ARHGAP18: variants seen among roughly 807,000 people sequenced by gnomAD.
ARHGAP18 encodes rho GTPase-activating protein 18.
ARHGAP18 carries 67 observed loss-of-function variants against 86.2 expected under a neutral mutation model. The observed-to-expected ratio is 0.78, with a 90% CI of 0.64 to 0.95. The LOEUF (loss-of-function observed/expected upper bound fraction) is 0.95, where lower values mean the gene tolerates loss of function less well. ARHGAP18 is among the 40% of genes least tolerant of loss of function. The probability of loss-of-function intolerance (pLI) is 0.00; values close to 1 mark genes in which losing one functional copy is unlikely to be tolerated. For missense variants in ARHGAP18, 691 were observed against 780.4 expected (o/e 0.89, Z 1.37); for synonymous variants, 283 against 280.4 (o/e 1.01, Z -0.09).
chr6:129,583,750 T>A (rs1276531969), intron 13 of ARHGAP18, among the ~76,000 whole-genome samples: 1 of 152,156 alleles, frequency 6.6e-6, no homozygotes, highest in Non-Finnish European at 1.5e-5. Flanking sequence ...TCAGAAATCC[T>A]GCTTGAATCA....
intron 1 of ARHGAP18, among the ~76,000 whole-genome samples, chr6:129,666,741 T>C (rs1774047860): frequency 6.6e-6 from 1 of 152,204 alleles, no homozygotes; most frequent in African/African-American, 2.4e-5. Context: ...TTCTTAGAAG[T>C]AGAGATCAAA....
chr6:129,634,090 C>G lies in ARHGAP18; in HGVS notation c.568G>C (p.Glu190Gln). 6.2e-7 allele frequency: 1 copy of G among 1,613,474 alleles called. No individual in the cohort carries two copies. Among genetic ancestry groups the G allele is most frequent in the East Asian group, 2.2e-5 (1 of 44,830 alleles). Residue 190 changes from glutamate to glutamine, a missense_variant, in exon 4 of 15, where the codon GAA becomes CAA. Coordinates refer to ENST00000368149, the MANE Select transcript of ARHGAP18 (RefSeq NM_033515.3). ...TCATTTGTTCTAAGTGACTGCGATT[C>G]AGTGCCACCTGGAGCCTAAACATAG... Reference protein sequence around the residue: ...ESKETAPGGTESQSLRTNENK... With the variant: ...ESKETAPGGTQSQSLRTNENK...
At chr6:129,701,303 G>A (rs766384611) in intron 1 of ARHGAP18, among the ~76,000 whole-genome samples, 5 of 152,182 alleles carry the variant, frequency 3.3e-5, no homozygotes, top group Admixed American at 6.5e-5. Flanking sequence ...ACAGATAAAT[G>A]TGTCATGTCC....
intron 11 of ARHGAP18, among the ~76,000 whole-genome samples, chr6:129,600,192 G>T (rs956850064): frequency 1.3e-5 from 2 of 152,090 alleles, no homozygotes; most frequent in South Asian, 4.1e-4. Context: ...ATTGGAAAAT[G>T]AGCACCTAAT....
At chr6:129,652,298 C>A (rs1773731159) in intron 1 of ARHGAP18, among the ~76,000 whole-genome samples, 1 of 152,210 alleles carries the variant, frequency 6.6e-6, no homozygotes, top group African/African-American at 2.4e-5. Context: ...TGTTTCACAG[C>A]AATCATGTAG....
At chr6:129,625,385 A>T in intron 5 of ARHGAP18, among the ~76,000 whole-genome samples, 6 of 83,296 alleles carry the variant, frequency 7.2e-5, no homozygotes, top group African/African-American at 2.9e-4. Context: ...ATTATATATT[A>T]TATATTTATA....
intron 1 of ARHGAP18, among the ~76,000 whole-genome samples, chr6:129,667,508 G>T (rs144157935): frequency 0.013 from 1,628 of 121,234 alleles, 20 homozygotes; most frequent in Middle Eastern, 0.047. Flanking sequence ...TGTGTGTGTT[G>T]TGTATGTGGA....
At position 129,578,289 on chromosome 6, in the gene ARHGAP18, T is replaced by C. The variant is rs1788219591; in HGVS notation, c.*224A>G. 4.8e-6 allele frequency: 1 copy of C among 209,496 alleles called. No individual in the cohort carries two copies. Among genetic ancestry groups the C allele is most frequent in the South Asian group, 1.7e-4 (1 of 5,862 alleles). 13.0% of individuals were successfully genotyped at this position (209,496 alleles called of 1,614,324 possible). The stretch of plus-strand genomic sequence containing the variant: ...TGCCCACAAACTAATTAAGCCTCTT[T>C]ACTCTCACTCCAGAAATTTTTTTTC... On this transcript the variant is annotated 3_prime_UTR_variant, in exon 15 of 15. Transcript: ENST00000368149.
chr6:129,619,225 T>G (rs1275277449), intron 5 of ARHGAP18, among the ~76,000 whole-genome samples: 39 of 24,300 alleles, frequency 1.6e-3, no homozygotes, highest in Admixed American at 2.2e-3. Flanking sequence ...GAAGAAGAGG[T>G]GGGAAGGGAA....
chr6:129,679,617 T>G (rs1774291894), intron 1 of ARHGAP18, among the ~76,000 whole-genome samples: 1 of 152,256 alleles, frequency 6.6e-6, no homozygotes, highest in Non-Finnish European at 1.5e-5. Flanking sequence ...AGAATTCAAC[T>G]AAGCCTGGCT....
chr6:129,644,468 CTAA>C (rs1250910437), intron 1 of ARHGAP18, among the ~76,000 whole-genome samples: 1 of 152,150 alleles, frequency 6.6e-6, no homozygotes, highest in Non-Finnish European at 1.5e-5. Context: ...ACCAGGATAG[CTAA>C]TGTTAATTTA....
chr6:129,599,942 CATTA>C (rs914324942), intron 11 of ARHGAP18, among the ~76,000 whole-genome samples: 1 of 151,942 alleles, frequency 6.6e-6, no homozygotes. Context: ...AATAAATGGA[CATTA>C]ATTTTTTATT....
At chr6:129,609,570 G>A (rs1343486625) in intron 8 of ARHGAP18, among the ~76,000 whole-genome samples, 1 of 152,118 alleles carries the variant, frequency 6.6e-6, no homozygotes, top group Non-Finnish European at 1.5e-5. Flanking sequence ...ATGAAGTTAT[G>A]TTTGTTACCT....
At chr6:129,625,940 T>A (rs1789449866) in intron 5 of ARHGAP18, among the ~76,000 whole-genome samples, 1 of 81,332 alleles carries the variant, frequency 1.2e-5, no homozygotes, top group African/African-American at 4.6e-5. Context: ...ATATTATATA[T>A]TATATATTTA....
At position 129,618,693 on chromosome 6, in the gene ARHGAP18, T is replaced by C; in HGVS notation, c.946A>G (p.Thr316Ala). ...TTTATCATTTCATGATTACCTTTTGTTTTGATTTTCACAGCTTTTTGTTGT... is the reference window on the plus strand; with the variant it reads ...TTTATCATTTCATGATTACCTTTTGCTTTGATTTTCACAGCTTTTTGTTGT... ...LKQQKAVKIK[T>A]KDSGLFCVPL... Residue 316 changes from threonine (T) to alanine (A), a missense_variant, in exon 6 of 15, where the codon ACA becomes GCA. Physicochemically the swap from Thr to Ala is moderately conservative, Grantham distance 58. Transcript: ENST00000368149. 6.2e-7 allele frequency: 1 copy of C among 1,603,782 alleles called. No homozygotes were observed. The highest frequency in any genetic ancestry group is 8.5e-7 in the Non-Finnish European group (1 of 1,174,718).
chr6:129,601,824 C>T (rs4075457), intron 10 of ARHGAP18, among the ~76,000 whole-genome samples: 47,428 of 151,422 alleles, frequency 0.31, 7,661 homozygotes, highest in Non-Finnish European at 0.36. Context: ...GGCAAATTCT[C>T]GCAATGTTGC....
At chr6:129,625,054 TTG>T (rs1282760778) in intron 5 of ARHGAP18, among the ~76,000 whole-genome samples, 4 of 55,800 alleles carry the variant, frequency 7.2e-5, no homozygotes, top group Admixed American at 2.3e-4. Context: ...ATATATATGA[TTG>T]ATATATATTT....
chr6:129,638,337 A>T, intron 3 of ARHGAP18, 57 bp downstream of exon 3: 1 of 1,486,192 alleles, frequency 6.7e-7, no homozygotes, highest in East Asian at 2.3e-5. Context: ...AACCAGATTG[A>T]TCCAATTAAT....
chr6:129,690,427 T>C (rs1032909684), intron 1 of ARHGAP18, among the ~76,000 whole-genome samples: 1 of 152,214 alleles, frequency 6.6e-6, no homozygotes, highest in South Asian at 2.1e-4. Context: ...ACATATAACT[T>C]CTCCAAATGC....
Sources: allele counts gnomAD v4.1 joint callset (sites outside exome capture counted in the v4.1 genomes callset), GRCh38; gene constraint gnomAD v4.1.1; transcripts MANE v1.5; gene names NCBI Gene and HGNC (gene_info 2026-07-23, HGNC 2026-07-21).